PLA2G6: variants seen among roughly 807,000 people sequenced by gnomAD.
PLA2G6 encodes the protein 85/88 kDa calcium-independent phospholipase A2.
In PLA2G6, 62 loss-of-function variants were observed where a neutral mutation model predicts 83.8. The ratio of observed to expected loss-of-function variants is 0.74; its 90% CI spans 0.60 to 0.91. PLA2G6 has a LOEUF of 0.91. Ranked by LOEUF, PLA2G6 falls within the 40% of genes least tolerant of loss-of-function variation. PLA2G6 has a pLI of 0.00. For missense variants in PLA2G6, 944 were observed against 1,102.0 expected, an observed-to-expected ratio of 0.86 and a Z score of 2.03; for synonymous variants, 417 against 449.8, an observed-to-expected ratio of 0.93 and a Z score of 0.92.
intron 1 of PLA2G6, among the ~76,000 whole-genome samples, chr22:38,174,773 G>T (rs896385607): frequency 6.6e-6 from 1 of 152,168 alleles, no homozygotes; most frequent in African/African-American, 2.4e-5. Context: ...CGGCTCGAGA[G>T]GGGAAGGTGC....
Position 38,111,839 on chromosome 22 carries a change from G to A in PLA2G6, c.*322C>T, listed in dbSNP as rs2086886119. ...AGGCCCTCAGGGAGGCTGGGGCTGG[G>A]GGCAGGGGTACGGTTGTGCCCGGGT... On this transcript the variant is annotated 3_prime_UTR_variant, in exon 17 of 17. Coordinates refer to ENST00000332509, the MANE Select transcript of PLA2G6 (RefSeq NM_003560.4). 1 of 399,376 alleles carries A rather than the reference G, an allele frequency of 2.5e-6. No individual in the cohort carries two copies. Among genetic ancestry groups the A allele is most frequent in the South Asian group, 2.1e-5 (1 of 46,704 alleles). 24.7% of individuals were successfully genotyped at this position (399,376 alleles called of 1,614,324 possible).
intron 10 of PLA2G6, among the ~76,000 whole-genome samples, chr22:38,124,158 T>C (rs1465887606): frequency 1.3e-5 from 2 of 151,808 alleles, no homozygotes; most frequent in Non-Finnish European, 2.9e-5. Flanking sequence ...TATTTATTTA[T>C]AGAGACAGGG....
intron 5 of PLA2G6, chr22:38,137,374 T>A (rs957998264): frequency 2.0e-5 from 3 of 152,540 alleles, no homozygotes; most frequent in African/African-American, 7.2e-5. Context: ...GAACTCCAGC[T>A]GCCTGATGCC....
chr22:38,121,248 C>T (rs1403288075), intron 11 of PLA2G6, among the ~76,000 whole-genome samples: 13 of 152,016 alleles, frequency 8.6e-5, no homozygotes, highest in African/African-American at 2.4e-4. Flanking sequence ...TGGTGGCGGG[C>T]GCCTGTAGTC....
At chr22:38,113,306 G>A (rs570589965) in intron 15 of PLA2G6, among the ~76,000 whole-genome samples, 181 bp downstream of exon 15, 1 of 152,284 alleles carries the variant, frequency 6.6e-6, no homozygotes, top group East Asian at 1.9e-4. Context: ...TGGTCACTGA[G>A]GGTCCCTGCC....
intron 4 of PLA2G6, chr22:38,142,245 C>T (rs964417690): frequency 2.9e-5 from 4 of 139,816 alleles, no homozygotes; most frequent in African/African-American, 8.0e-5. Flanking sequence ...TCTGGTATAA[C>T]GTAGTTGCAT....
intron 9 of PLA2G6, chr22:38,127,112 G>T: frequency 9.0e-7 from 1 of 1,116,350 alleles, no homozygotes; most frequent in Non-Finnish European, 1.1e-6. Context: ...CAGTCCCCAG[G>T]TGCCTGGTGC....
At chr22:38,115,497 G>T in intron 14 of PLA2G6, 30 bp downstream of exon 14, 1 of 1,601,570 alleles carries the variant, frequency 6.2e-7, no homozygotes, top group Non-Finnish European at 8.5e-7. Context: ...GGGAGCAGTG[G>T]GTCCAGGCCC....
At chr22:38,164,922 C>T (rs1278643302) in intron 2 of PLA2G6, among the ~76,000 whole-genome samples, 1 of 152,054 alleles carries the variant, frequency 6.6e-6, no homozygotes, top group Non-Finnish European at 1.5e-5. Context: ...TGACCACCCC[C>T]GGCCCTGGAG....
rs756232083 is a variant in PLA2G6, at chr22:38,132,030, G to A, written c.1077+801C>T. 1.7e-5 allele frequency: 7 copies of A among 420,712 alleles called. No homozygotes were observed. The highest frequency in any genetic ancestry group is 7.8e-5 in the East Asian group (1 of 12,768). The allele number at this position is 420,712 out of a possible 1,614,324, so 26.1% of individuals were successfully genotyped here. A position where few individuals can be genotyped will look rare whatever the true frequency, so the allele number is the denominator to read the frequency against. On this transcript the variant is annotated intron_variant, in intron 7 of 16. Transcript: ENST00000332509. This position sits in a 1 kb window ranked among gnomAD's most constrained non-coding sequence, Gnocchi z 5.0. ...CTTGGGAGGCTGAGGCAGGAGAATC[G>A]CTTGAACCTGGGAGGCGGAGGTTGT...
intron 2 of PLA2G6, among the ~76,000 whole-genome samples, chr22:38,165,324 T>C (rs891586665): frequency 7.6e-4 from 116 of 152,342 alleles, no homozygotes; most frequent in African/African-American, 2.6e-3. Context: ...TCACAAGGTC[T>C]GTGGCCTACC....
intron 15 of PLA2G6, among the ~76,000 whole-genome samples, chr22:38,113,115 C>G (rs905301600): frequency 6.6e-6 from 1 of 152,156 alleles, no homozygotes; most frequent in African/African-American, 2.4e-5. Flanking sequence ...TTATATTGCT[C>G]AGGCTGGTCT....
At position 38,123,258 on chromosome 22, in the gene PLA2G6, G is replaced by A; in HGVS notation, c.1428C>T (p.Thr476=). 4.5e-6 allele frequency: 7 copies of A among 1,558,344 alleles called. No homozygotes were observed. Among genetic ancestry groups the A allele is most frequent in the Non-Finnish European group, 6.1e-6 (7 of 1,150,728 alleles). Residue 476 remains threonine (T), a splice_region_variant and synonymous_variant, in exon 11 of 17, where the codon ACC becomes ACT. Transcript: ENST00000332509. This position sits in a 1 kb window ranked among gnomAD's most constrained non-coding sequence, Gnocchi z 4.1. ...ILGSMRDEKR[T]HDHLLCLDGG... ...CATCCAGGCACAGCAGGTGGTCGTG[G>A]CTGCAGTGGGAACAGCAGTGGGAGA...
intron 6 of PLA2G6, chr22:38,133,220 A>G: frequency 1.7e-6 from 1 of 600,034 alleles, no homozygotes; most frequent in East Asian, 2.8e-5. Context: ...ACTAGGGACA[A>G]AAAGCCAAAG....
intron 11 of PLA2G6, among the ~76,000 whole-genome samples, chr22:38,122,006 C>A (rs1013147381): frequency 6.6e-6 from 1 of 152,162 alleles, no homozygotes; most frequent in African/African-American, 2.4e-5. Context: ...AAATGAAATA[C>A]CAGTCAATAA....
chr22:38,119,484 A>C (rs1254007067), intron 12 of PLA2G6, among the ~76,000 whole-genome samples: 3 of 152,218 alleles, frequency 2.0e-5, no homozygotes, highest in Non-Finnish European at 4.4e-5. Context: ...TTCCAGCTCG[A>C]CACAGGAGAA....
At chr22:38,115,481 G>T in intron 14 of PLA2G6, 46 bp downstream of exon 14, 1 of 1,574,856 alleles carries the variant, frequency 6.3e-7, no homozygotes, top group Non-Finnish European at 8.7e-7. Context: ...CACAGGATTG[G>T]CTCCAGGGAG....
chr22:38,164,489 T>A (rs917511534), intron 2 of PLA2G6, among the ~76,000 whole-genome samples: 24 of 152,348 alleles, frequency 1.6e-4, no homozygotes, highest in Non-Finnish European at 2.8e-4. Context: ...AGCCCAGGCA[T>A]GCAGGACCTG....
At chr22:38,166,724 A>G (rs753769475) in intron 2 of PLA2G6, among the ~76,000 whole-genome samples, 4 of 119,216 alleles carry the variant, frequency 3.4e-5, no homozygotes, top group African/African-American at 3.6e-5. Flanking sequence ...GCAAGACTTA[A>G]CGTCTCAAAA....
Sources: allele counts gnomAD v4.1 joint callset (sites outside exome capture counted in the v4.1 genomes callset), GRCh38; gene constraint gnomAD v4.1.1; non-coding constraint Gnocchi (gnomAD v3.1); transcripts MANE v1.5; gene names NCBI Gene and HGNC (gene_info 2026-07-23, HGNC 2026-07-21).